MX2: variants seen among roughly 807,000 people sequenced by gnomAD.
The protein encoded by MX2 is MX dynamin like GTPase 2, also known as interferon-induced GTP-binding protein Mx2.
Under a neutral mutation model 74.0 loss-of-function variants are expected in MX2, and 51 were observed. The observed-to-expected ratio is 0.69, with a 90% confidence interval of 0.55 to 0.87. MX2 has a LOEUF of 0.87. MX2 is among the 40% of genes least tolerant of loss of function. MX2 has a pLI of 0.00. For missense variants in MX2, 832 were observed against 908.7 expected, an observed-to-expected ratio of 0.92 and a Z score of 1.09; for synonymous variants, 369 against 339.3, an observed-to-expected ratio of 1.09 and a Z score of -0.96.
intron 12 of MX2, chr21:41,403,593 G>T (rs2145968967): frequency 1.4e-6 from 1 of 712,844 alleles, no homozygotes; most frequent in East Asian, 2.8e-5. Flanking sequence ...CATCTGTTCT[G>T]CACGACCTTA....
intron 5 of MX2, chr21:41,390,300 T>G: frequency 4.8e-6 from 2 of 420,138 alleles, no homozygotes; most frequent in Non-Finnish European, 8.9e-6. Context: ...GAGGGAGGGG[T>G]TGTACTTGGT....
intron 6 of MX2, among the ~76,000 whole-genome samples, chr21:41,391,126 A>G (rs1433490466): frequency 6.6e-6 from 1 of 152,150 alleles, no homozygotes; most frequent in Non-Finnish European, 1.5e-5. Flanking sequence ...TGCGCTGAAT[A>G]CAAGTGCTAT....
At chr21:41,393,264 G>A (rs2089687915) in intron 6 of MX2, among the ~76,000 whole-genome samples, 1 of 152,020 alleles carries the variant, frequency 6.6e-6, no homozygotes, top group Non-Finnish European at 1.5e-5. Flanking sequence ...ACAGTGGGTC[G>A]ATATTTTCAG....
chr21:41,388,904 G>A lies in MX2; in HGVS notation c.733-1661G>A, dbSNP rs1039195553. 1.3e-5 allele frequency among the ~76,000 whole-genome samples: 2 copies of A among 152,142 alleles called. No individual in the cohort carries two copies. Among genetic ancestry groups the A allele is most frequent in the African/African-American group, 4.8e-5 (2 of 41,416 alleles). On this transcript the variant is annotated intron_variant, in intron 5 of 13. Coordinates refer to ENST00000330714, the MANE Select transcript of MX2 (RefSeq NM_002463.2). This position sits in a 1 kb window ranked among gnomAD's most constrained non-coding sequence, Gnocchi z 4.0. ...TTTGCTAGTGGTTTGGATGCTACCG[G>A]TATCCAGTGGGTAAAGGCCACAGAG...
Position 41,395,571 on chromosome 21 carries a change from T to A in MX2, c.872-16T>A, listed in dbSNP as rs1364710938. 1 of 1,613,396 alleles carries A rather than the reference T, an allele frequency of 6.2e-7. No homozygotes were observed. Among genetic ancestry groups the A allele is most frequent in the Admixed American group, 1.7e-5 (1 of 60,006 alleles). On this transcript the variant is annotated splice_polypyrimidine_tract_variant and intron_variant, in intron 6 of 13. Coordinates refer to ENST00000330714, the MANE Select transcript of MX2 (RefSeq NM_002463.2). Reference sequence around the variant, plus strand: ...ATCACTGACCTTTCCATTTCCCTTCTTTAACCATCTCACAGGTATCCTGAC... The same window carrying A: ...ATCACTGACCTTTCCATTTCCCTTCATTAACCATCTCACAGGTATCCTGAC...
At chr21:41,385,295 G>T (rs371971560) in intron 5 of MX2, among the ~76,000 whole-genome samples, 5 of 152,300 alleles carry the variant, frequency 3.3e-5, no homozygotes, top group African/African-American at 1.2e-4. Context: ...CTGATGGTTT[G>T]GCTGTGTCCC....
At chr21:41,400,037 A>G (rs962439795) in intron 10 of MX2, among the ~76,000 whole-genome samples, 22 of 152,220 alleles carry the variant, frequency 1.4e-4, no homozygotes, top group African/African-American at 4.3e-4. Flanking sequence ...CTCTCCAGCC[A>G]CTGTTGAATT....
chr21:41,381,597 A>G (rs2089493154), intron 4 of MX2, among the ~76,000 whole-genome samples: 1 of 149,580 alleles, frequency 6.7e-6, no homozygotes, highest in South Asian at 2.2e-4. Flanking sequence ...AGGCAGGAGA[A>G]TGGCATGAAC....
chr21:41,380,346 T>C lies in MX2; in HGVS notation c.577+195T>C, dbSNP rs2838030. On this transcript the variant is annotated intron_variant, in intron 4 of 13. Transcript: ENST00000330714. The surrounding 1 kb of genome is among the most constrained non-coding windows in gnomAD (Gnocchi z 4.3). Reference sequence around the variant, plus strand: ...CTTGTCCAGGTCCCCTCTCATCGAGTCATCCCATGCCGAGGACCCTCTGGT... The same window carrying C: ...CTTGTCCAGGTCCCCTCTCATCGAGCCATCCCATGCCGAGGACCCTCTGGT... Among the ~76,000 whole-genome samples, 4,583 of 151,900 alleles carry C rather than the reference T, an allele frequency of 0.03. 265 individuals are homozygous for C. The highest frequency in any genetic ancestry group is 0.1 in the African/African-American group (4,300 of 41,392).
chr21:41,401,454 C>T (rs1381907569), intron 10 of MX2: 1 of 152,314 alleles, frequency 6.6e-6, no homozygotes, highest in Non-Finnish European at 1.5e-5. Context: ...CAGAGACAGG[C>T]TCTTGCCGTC....
rs78156849 is a variant in MX2 at position 41,380,343 on chromosome 21, G to A, written c.577+192G>A. Among the ~76,000 whole-genome samples the A allele has an allele frequency of 0.03, 4,548 of 152,028 alleles. 229 individuals are homozygous for A. The highest frequency in any genetic ancestry group is 0.1 in the African/African-American group (4,260 of 41,434). The stretch of plus-strand genomic sequence containing the variant: ...GTCCTTGTCCAGGTCCCCTCTCATC[G>A]AGTCATCCCATGCCGAGGACCCTCT... On this transcript the variant is annotated intron_variant, in intron 4 of 13. Transcript: ENST00000330714. The surrounding 1 kb of genome is among the most constrained non-coding windows in gnomAD (Gnocchi z 4.3).
intron 6 of MX2, among the ~76,000 whole-genome samples, chr21:41,393,993 CG>C (rs1484896930): frequency 2.0e-5 from 3 of 152,162 alleles, no homozygotes; most frequent in Non-Finnish European, 2.9e-5. Flanking sequence ...GCCTCCAAAA[CG>C]GGTGCCAAAT....
Position 41,408,047 on chromosome 21 carries a change from C to G in MX2, c.1962C>G (p.Leu654=), listed in dbSNP as rs370470949. The G allele has an allele frequency of 6.2e-7, 1 of 1,614,016 alleles. No individual in the cohort carries two copies. Among genetic ancestry groups the G allele is most frequent in the Non-Finnish European group, 8.5e-7 (1 of 1,180,024 alleles). Residue 654 remains leucine (L), a synonymous_variant, in exon 14 of 14, where the codon CTC becomes CTG. Transcript: ENST00000330714. The stretch of plus-strand genomic sequence containing the variant: ...CATTTATAATTCAGTATTTTATGCT[C>G]CGAGAGAATGGTGACTCCTTGCAGA... ...QIPFIIQYFM[L]RENGDSLQKA...
rs375373120 is a variant in MX2, at chr21:41,386,389, A to G, written c.732+3825A>G. 3.2e-4 allele frequency among the ~76,000 whole-genome samples: 48 copies of G among 152,328 alleles called. 1 individual carries two copies. In the East Asian group the frequency reaches 5.8e-3, roughly 18 times the overall value. On this transcript the variant is annotated intron_variant, in intron 5 of 13. Coordinates refer to ENST00000330714, the MANE Select transcript of MX2 (RefSeq NM_002463.2). ...TTTATGTTTTCTTAGAGCAAACTGCATGAGAGAACAGGGTCACAGGAGTTT... is the reference window on the plus strand; with the variant it reads ...TTTATGTTTTCTTAGAGCAAACTGCGTGAGAGAACAGGGTCACAGGAGTTT...
chr21:41,389,614 C>T (rs2089629320), intron 5 of MX2: 1 of 152,158 alleles, frequency 6.6e-6, no homozygotes, highest in Non-Finnish European at 1.5e-5. Context: ...TAAGTTTTCT[C>T]CTGGCCGAGG....
chr21:41,400,270 G>A (rs1416074443), intron 10 of MX2, among the ~76,000 whole-genome samples: 1 of 152,184 alleles, frequency 6.6e-6, no homozygotes, highest in Non-Finnish European at 1.5e-5. Context: ...GGTCTGGGGT[G>A]TGATGATCTG....
chr21:41,367,698 A>G (rs2089279994), intron 1 of MX2, among the ~76,000 whole-genome samples: 1 of 152,156 alleles, frequency 6.6e-6, no homozygotes, highest in Non-Finnish European at 1.5e-5. Flanking sequence ...GCTTGAAAAT[A>G]TTTGGCAGCC....
At chr21:41,378,302 A>G (rs1043234200) in intron 3 of MX2, among the ~76,000 whole-genome samples, 4 of 125,324 alleles carry the variant, frequency 3.2e-5, no homozygotes, top group African/African-American at 1.9e-4. Flanking sequence ...GAGACAGATC[A>G]CTGGGAGAGA....
In MX2 at chr21:41,377,810, A is replaced by C; in HGVS notation, c.271A>C (p.Ser91Arg). 1 of 1,613,408 alleles carries C rather than the reference A, an allele frequency of 6.2e-7. No homozygotes were observed. Among genetic ancestry groups the C allele is most frequent in the Non-Finnish European group, 8.5e-7 (1 of 1,179,408 alleles). ...RAMGPENNLY[S>R]QYEQKVRPCI... is the part of the protein sequence containing the mutation. ...CCAGGGGCCCGAGAACAACCTGTAC[A>C]GCCAGTACGAGCAGAAGGTGCGCCC... Residue 91 changes from serine (S) to arginine (R), a missense_variant, in exon 3 of 14, where the codon AGC (serine) becomes CGC (arginine). Physicochemically the swap from Ser to Arg is moderately radical, Grantham distance 110. Transcript: ENST00000330714.
Sources: gnomAD v4.1 joint callset for allele counts (sites outside exome capture counted in the v4.1 genomes callset) on GRCh38, gnomAD v4.1.1 for gene constraint, Gnocchi (gnomAD v3.1) non-coding constraint, MANE v1.5 for transcripts, NCBI Gene and HGNC (gene_info 2026-07-23, HGNC 2026-07-21) for gene names.